The following SPAST variants were observed in gnomAD, a reference collection of about 807,000 sequenced individuals.
SPAST encodes the protein spastin, also known as spastic paraplegia 4 (autosomal dominant; spastin).
A neutral mutation model predicts 76.6 loss-of-function variants in SPAST; 30 were observed. The observed-to-expected ratio is 0.39, with a 90% confidence interval of 0.29 to 0.53. The LOEUF is 0.53. Among genes scored for constraint, SPAST ranks in the 20% least tolerant of loss-of-function variants. The probability of loss-of-function intolerance (pLI) is 0.68; values close to 1 mark genes in which losing one functional copy is unlikely to be tolerated. For missense variants in SPAST, 717 were observed against 770.5 expected (o/e 0.93, Z 0.82); for synonymous variants, 305 against 281.0 (o/e 1.09, Z -0.86).
At chr2:32,122,483 G>GCCCA in intron 7 of SPAST, among the ~76,000 whole-genome samples, 1 of 152,032 alleles carries the variant, frequency 6.6e-6, no homozygotes, top group Admixed American at 6.6e-5. Context: ...CACCACGCCT[G>GCCCA]GCTAATTTTT....
intron 4 of SPAST, among the ~76,000 whole-genome samples, chr2:32,108,352 C>T (rs955588636): frequency 6.6e-6 from 1 of 152,132 alleles, no homozygotes; most frequent in Non-Finnish European, 1.5e-5. Context: ...ATGACTCTCA[C>T]GTAGCAACTT....
chr2:32,153,182 T>C (rs1419688998), intron 16 of SPAST, among the ~76,000 whole-genome samples: 1 of 152,220 alleles, frequency 6.6e-6, no homozygotes, highest in Non-Finnish European at 1.5e-5. Flanking sequence ...AGAGTAGTTT[T>C]TAAAATACGG....
intron 16 of SPAST, among the ~76,000 whole-genome samples, chr2:32,148,763 A>G (rs1300969320): frequency 2.0e-5 from 3 of 151,324 alleles, no homozygotes; most frequent in Admixed American, 6.6e-5. Flanking sequence ...GTGAGCCGAG[A>G]TCGTGCCACT....
intron 1 of SPAST, among the ~76,000 whole-genome samples, chr2:32,065,023 C>G (rs1228879736): frequency 6.9e-6 from 1 of 145,466 alleles, no homozygotes; most frequent in Non-Finnish European, 1.5e-5. Context: ...TTTAAGCTAA[C>G]TTTTTTTTTT....
intron 1 of SPAST, among the ~76,000 whole-genome samples, chr2:32,073,363 C>G (rs530616664): frequency 1.3e-5 from 2 of 152,272 alleles, no homozygotes; most frequent in African/African-American, 4.8e-5. Context: ...AGGATGTTCC[C>G]TAACACTTCC....
intron 3 of SPAST, among the ~76,000 whole-genome samples, chr2:32,097,372 A>G (rs1677954516): frequency 6.6e-6 from 1 of 152,178 alleles, no homozygotes; most frequent in African/African-American, 2.4e-5. Flanking sequence ...TTTGAGTGTG[A>G]AAAGCATCCA....
chr2:32,069,642 C>G (rs1027400663), intron 1 of SPAST, among the ~76,000 whole-genome samples: 12 of 151,674 alleles, frequency 7.9e-5, no homozygotes, highest in African/African-American at 2.4e-4. Context: ...CTGCAAGCCC[C>G]GCCTCCCACG....
intron 4 of SPAST, among the ~76,000 whole-genome samples, chr2:32,109,980 A>C (rs1367541229): frequency 6.7e-6 from 1 of 148,636 alleles, no homozygotes; most frequent in African/African-American, 2.5e-5. Flanking sequence ...ATACATATAT[A>C]GTTATATATG....
rs1358976852 is a variant in SPAST, at chr2:32,114,821, A to T, written c.866A>T (p.His289Leu). The change falls in exon 5 of 17, where the codon CAT becomes CTT. Residue 289 changes from histidine to leucine, a missense_variant. Coordinates refer to ENST00000315285, the MANE Select transcript of SPAST (RefSeq NM_014946.4). Reference protein sequence around the residue: ...KQGSGPAPTTHKGTPKTNRTN... With the variant: ...KQGSGPAPTTLKGTPKTNRTN... The stretch of plus-strand genomic sequence containing the variant: ...GGATCTGGTCCTGCTCCTACCACTC[A>T]TAAGGTATTCTGGGACAGTAACTTT... 1 of 1,613,580 alleles carries T rather than the reference A, an allele frequency of 6.2e-7. No homozygotes were observed. The highest frequency in any genetic ancestry group is 8.5e-7 in the Non-Finnish European group (1 of 1,179,462).
chr2:32,079,474 C>G (rs1397659552), intron 1 of SPAST, among the ~76,000 whole-genome samples: 3 of 151,318 alleles, frequency 2.0e-5, no homozygotes, highest in Non-Finnish European at 4.4e-5. Context: ...CCACTGCTCT[C>G]TAGCATGGGT....
chr2:32,066,991 A>AC (rs1189226984), intron 1 of SPAST, among the ~76,000 whole-genome samples: 5 of 58,506 alleles, frequency 8.5e-5, no homozygotes, highest in African/African-American at 2.3e-4. Flanking sequence ...AAAAAAAAAA[A>AC]ACCAAAAAAA....
chr2:32,095,032 C>T (rs1297515295), intron 3 of SPAST, among the ~76,000 whole-genome samples: 1 of 152,202 alleles, frequency 6.6e-6, no homozygotes, highest in South Asian at 2.1e-4. Flanking sequence ...TTAGAAGGAT[C>T]ACTCTGGTTG....
chr2:32,104,063 C>T (rs1272967780), intron 4 of SPAST, among the ~76,000 whole-genome samples: 2 of 152,084 alleles, frequency 1.3e-5, no homozygotes, highest in African/African-American at 4.8e-5. Flanking sequence ...GTTGAAGTCT[C>T]CCAGTATTAT....
At chr2:32,125,956 G>A (rs1305948448) in intron 7 of SPAST, among the ~76,000 whole-genome samples, 3 of 152,116 alleles carry the variant, frequency 2.0e-5, no homozygotes, top group South Asian at 2.1e-4. Context: ...CACCACGCCC[G>A]GCTAATTTTT....
At chr2:32,117,531 C>CTTTT (rs11431890) in intron 7 of SPAST, among the ~76,000 whole-genome samples, 4 of 127,574 alleles carry the variant, frequency 3.1e-5, no homozygotes, top group Admixed American at 8.3e-5. Flanking sequence ...TAGAATAATT[C>CTTTT]TTTTTTTTTT....
intron 1 of SPAST, chr2:32,078,037 C>T (rs1347047477): frequency 6.6e-6 from 1 of 152,010 alleles, no homozygotes; most frequent in Non-Finnish European, 1.5e-5. Flanking sequence ...GTCGCCCAGG[C>T]TGGAGTGCAG....
rs181735377 is a variant in SPAST, at chr2:32,091,987, G to A, written c.586+2382G>A. On this transcript the variant is annotated intron_variant, in intron 3 of 16. Coordinates refer to ENST00000315285, the MANE Select transcript of SPAST (RefSeq NM_014946.4). ...AATTATTAAAGGAACCTAAACCATA[G>A]TAGTAAGTGCTTTAAAAATGTTGGT... 4.3e-4 allele frequency among the ~76,000 whole-genome samples: 65 copies of A among 152,244 alleles called. 1 individual carries two copies. In the East Asian group the frequency reaches 0.011, roughly 26 times the overall value.
At chr2:32,076,810 C>G (rs922738917) in intron 1 of SPAST, among the ~76,000 whole-genome samples, 2 of 152,054 alleles carry the variant, frequency 1.3e-5, no homozygotes, top group Non-Finnish European at 2.9e-5. Context: ...GATCTTCCCA[C>G]TTCAGACTCT....
chr2:32,107,774 G>A (rs374867619), intron 4 of SPAST, among the ~76,000 whole-genome samples: 1 of 152,130 alleles, frequency 6.6e-6, no homozygotes, highest in African/African-American at 2.4e-5. Flanking sequence ...GGTTGGAAGG[G>A]CATATTGGCT....
Sources: gnomAD v4.1 joint callset for allele counts (sites outside exome capture counted in the v4.1 genomes callset) on GRCh38, gnomAD v4.1.1 for gene constraint, MANE v1.5 for transcripts, NCBI Gene and HGNC (gene_info 2026-07-23, HGNC 2026-07-21) for gene names.